Variants in VWA2 observed in about 807,000 individuals in gnomAD.
VWA2 encodes von Willebrand factor A domain containing 2.
In VWA2, 73 loss-of-function variants were observed where a neutral mutation model predicts 70.4. The ratio of observed to expected loss-of-function variants is 1.04; its 90% confidence interval spans 0.86 to 1.26. The LOEUF (loss-of-function observed/expected upper bound fraction) is 1.26, where lower values mean the gene tolerates loss of function less well. Ranked by LOEUF, VWA2 falls within the 50% of genes most tolerant of loss-of-function variation. The pLI is 0.00. For missense variants in VWA2, 1,011 were observed against 998.5 expected (o/e 1.01, Z -0.17); for synonymous variants, 407 against 423.3 (o/e 0.96, Z 0.47).
chr10:114,270,648 A>T lies in VWA2; in HGVS notation c.372-2092A>T, dbSNP rs1490811810. Among the ~76,000 whole-genome samples the T allele has an allele frequency of 2.6e-5, 4 of 152,270 alleles. No individual in the cohort carries two copies. The East Asian group carries it at 7.7e-4, about 29-fold the overall frequency. ...GCCCTCCCAGGAGCCCTGGAGGAACACTCTTTTTAAACACAAGAGCTCTTT... is the reference window on the plus strand; with the variant it reads ...GCCCTCCCAGGAGCCCTGGAGGAACTCTCTTTTTAAACACAAGAGCTCTTT... On this transcript the variant is annotated intron_variant, in intron 5 of 13. Transcript: ENST00000392982.
chr10:114,248,584 C>T, intron 1 of VWA2, 120 bp from the exon 2 acceptor site: 2 of 786,306 alleles, frequency 2.5e-6, no homozygotes. Context: ...GTGGTGAGGG[C>T]CTCCAGGGTC....
chr10:114,245,973 G>A (rs1387809411), intron 1 of VWA2: 2 of 490,226 alleles, frequency 4.1e-6, no homozygotes, highest in Admixed American at 5.3e-5. Flanking sequence ...GTGGCATCAT[G>A]GAAATAACCA....
rs372273455 is a variant in VWA2 at position 114,275,387 on chromosome 10, A to G, written c.566+2453A>G. ...AAACTCCTGGAGAGAGGAGAGAGGG[A>G]CTTTGCCTCATGGCCCTCTGCCCGC... On this transcript the variant is annotated intron_variant, in intron 6 of 13. Transcript: ENST00000392982. 9.1e-4 allele frequency among the ~76,000 whole-genome samples: 138 copies of G among 152,270 alleles called. 2 individuals are homozygous for G. In the South Asian group the frequency reaches 0.022, roughly 25 times the overall value.
chr10:114,260,497 A>G (rs1249241882), intron 4 of VWA2, among the ~76,000 whole-genome samples: 5 of 152,128 alleles, frequency 3.3e-5, no homozygotes, highest in South Asian at 2.1e-4. Context: ...TGACCACCCA[A>G]TGAAGGACCG....
chr10:114,288,855 A>G, intron 11 of VWA2, 83 bp from the exon 12 acceptor site: 1 of 1,495,376 alleles, frequency 6.7e-7, no homozygotes, highest in East Asian at 2.3e-5. Context: ...CCTTGGTCCT[A>G]CCCAACCTGG....
At chr10:114,276,764 C>T (rs1342571598) in intron 6 of VWA2, among the ~76,000 whole-genome samples, 1 of 151,324 alleles carries the variant, frequency 6.6e-6, no homozygotes, top group African/African-American at 2.4e-5. Flanking sequence ...AGGGATTCTC[C>T]CGCCTCGGCC....
At chr10:114,279,433 T>G (rs2037950563) in intron 8 of VWA2, among the ~76,000 whole-genome samples, 1 of 152,064 alleles carries the variant, frequency 6.6e-6, no homozygotes, top group Non-Finnish European at 1.5e-5. Context: ...TCTCCCTTTC[T>G]GGGGGGCCGG....
At chr10:114,260,601 G>A (rs1031720640) in intron 4 of VWA2, among the ~76,000 whole-genome samples, 5 of 152,290 alleles carry the variant, frequency 3.3e-5, no homozygotes, top group Middle Eastern at 6.8e-3. Context: ...TAAGTGTTTC[G>A]CTGCTGGCTT....
rs1335847385 is a variant in VWA2, at chr10:114,291,452, T to C, written c.*215T>C. On this transcript the variant is annotated 3_prime_UTR_variant, in exon 14 of 14. Coordinates refer to ENST00000392982, the MANE Select transcript of VWA2 (RefSeq NM_001272046.2). ...TGCTTAGAGACAAGAAAGCAGCTGA[T>C]GTCACCCACAAACGATGTTGTTGAA... 1.8e-6 allele frequency: 1 copy of C among 562,422 alleles called. No homozygotes were observed. Among genetic ancestry groups the C allele is most frequent in the Non-Finnish European group, 3.0e-6 (1 of 328,256 alleles). 34.8% of individuals were successfully genotyped at this position (562,422 alleles called of 1,614,324 possible).
Position 114,286,155 on chromosome 10 carries a change from AC to A in VWA2, c.1216del (p.Leu406TrpfsTer16), listed in dbSNP as rs2038857719. 6.2e-7 allele frequency: 1 copy of A among 1,614,038 alleles called. No homozygotes were observed. Among genetic ancestry groups the A allele is most frequent in the East Asian group, 2.2e-5 (1 of 44,884 alleles). On this transcript the variant is annotated frameshift_variant, in exon 11 of 14. Transcript: ENST00000392982. LOFTEE classifies it high-confidence loss of function. ...VPVGEYQDVP[D>X]LVWSLDGIPF... ...GTGGGGGAGTACCAGGATGTGCCTG[AC>A]CTGGTCTGGAGCCTCGATGGCATTC... is the stretch of plus-strand genomic sequence containing the variant.
At chr10:114,265,573 C>A (rs1208928498) in intron 5 of VWA2, among the ~76,000 whole-genome samples, 1 of 152,198 alleles carries the variant, frequency 6.6e-6, no homozygotes, top group African/African-American at 2.4e-5. Flanking sequence ...ATAGGCCCCA[C>A]CCAGCTGTCC....
chr10:114,261,935 C>T (rs568447819), intron 5 of VWA2, among the ~76,000 whole-genome samples: 73 of 152,166 alleles, frequency 4.8e-4, no homozygotes, highest in African/African-American at 1.7e-3. Context: ...CCAATCATGG[C>T]GGAAGGCAAA....
In VWA2 at chr10:114,248,710, C is replaced by T; in HGVS notation, c.-4C>T. The T allele has an allele frequency of 2.5e-6, 4 of 1,613,242 alleles. No individual in the cohort carries two copies. The South Asian group carries it at 4.4e-5, about 18-fold the overall frequency. On this transcript the variant is annotated 5_prime_UTR_variant, in exon 2 of 14. Coordinates refer to ENST00000392982, the MANE Select transcript of VWA2 (RefSeq NM_001272046.2). Reference sequence around the variant, plus strand: ...TTTTCCTGTGTCCCTGTAGTTATATCAACATGCCCCCTTTCCTGTTGCTGG... The same window carrying T: ...TTTTCCTGTGTCCCTGTAGTTATATTAACATGCCCCCTTTCCTGTTGCTGG...
chr10:114,256,986 T>C (rs548810730), intron 4 of VWA2, among the ~76,000 whole-genome samples: 76 of 151,972 alleles, frequency 5.0e-4, no homozygotes, highest in Non-Finnish European at 6.5e-4. Context: ...AGAGACTGGT[T>C]GCATACAGGT....
At chr10:114,255,941 A>G (rs1205531683) in intron 4 of VWA2, among the ~76,000 whole-genome samples, 17 of 152,220 alleles carry the variant, frequency 1.1e-4, no homozygotes, top group Admixed American at 1.1e-3. Flanking sequence ...GTTAGCAAAA[A>G]AAATCCTAAA....
At chr10:114,291,074 T>G in intron 13 of VWA2, 144 bp from the exon 14 acceptor site, 1 of 948,194 alleles carries the variant, frequency 1.1e-6, no homozygotes, top group Admixed American at 2.1e-5. Flanking sequence ...GATAATCACA[T>G]GGGGTCTCTA....
intron 2 of VWA2, among the ~76,000 whole-genome samples, chr10:114,250,100 C>A (rs1466023863): frequency 6.6e-6 from 1 of 152,218 alleles, no homozygotes; most frequent in African/African-American, 2.4e-5. Context: ...CAAGTCACAT[C>A]CCCCTCTTCA....
rs2039771471 is a variant in VWA2 at position 114,293,306 on chromosome 10, A to G, written c.*2069A>G. On this transcript the variant is annotated 3_prime_UTR_variant, in exon 14 of 14. Coordinates refer to ENST00000392982, the MANE Select transcript of VWA2 (RefSeq NM_001272046.2). ...GATGTCATAGAAATTACATGAATGC[A>G]TTGTCTTTAAATAGCAGTTTAACCA... Among the ~76,000 whole-genome samples, 2 of 152,194 alleles carry G rather than the reference A, an allele frequency of 1.3e-5. No homozygotes were observed. The highest frequency in any genetic ancestry group is 2.9e-5 in the Non-Finnish European group (2 of 68,038).
In VWA2 at chr10:114,272,740, AG is replaced by A; in HGVS notation, c.374del (p.Gly125GlufsTer10). 1 of 1,600,488 alleles carries A rather than the reference AG, an allele frequency of 6.2e-7. No homozygotes were observed. The highest frequency in any genetic ancestry group is 8.5e-7 in the Non-Finnish European group (1 of 1,171,646). On this transcript the variant is annotated frameshift_variant and splice_region_variant, in exon 6 of 14. Transcript: ENST00000392982. LOFTEE classifies it high-confidence loss of function. ...KARIKRMVFK[G>X]GRTETELALK... ...CTTTTTTCCTTCTGGGTGTGCACAG[AG>A]GAGGGCGCACGGAGACGGAACTTGC...
Sources: allele counts gnomAD v4.1 joint callset (sites outside exome capture counted in the v4.1 genomes callset), GRCh38; gene constraint gnomAD v4.1.1; transcripts MANE v1.5; gene names NCBI Gene and HGNC (gene_info 2026-07-23, HGNC 2026-07-21).